EML6: variants seen among roughly 807,000 people sequenced by gnomAD.
EML6 encodes EMAP like 6, also known as echinoderm microtubule-associated protein-like 6.
In EML6, 154 loss-of-function variants were observed where a neutral mutation model predicts 240.1. The ratio of observed to expected loss-of-function variants is 0.64; its 90% CI spans 0.56 to 0.73. The LOEUF is 0.73. Ranked by LOEUF, EML6 falls within the 30% of genes least tolerant of loss-of-function variation. EML6 has a pLI of 0.00. For missense variants in EML6, 2,964 were observed against 2,474.6 expected (o/e 1.20, Z -4.20); for synonymous variants, 1,148 against 899.0 (o/e 1.28, Z -4.95).
At chr2:54,809,091 G>A (rs1188511815) in intron 2 of EML6, among the ~76,000 whole-genome samples, 1 of 152,166 alleles carries the variant, frequency 6.6e-6, no homozygotes, top group Non-Finnish European at 1.5e-5. Flanking sequence ...ATGTAGGTGT[G>A]GAATGAGACT....
intron 26 of EML6, among the ~76,000 whole-genome samples, chr2:54,919,787 A>C (rs558087119): frequency 6.6e-6 from 1 of 152,152 alleles, no homozygotes; most frequent in Non-Finnish European, 1.5e-5. Context: ...TGGCTTATCT[A>C]TATATTAGTC....
chr2:54,891,413 C>T (rs1365473300), intron 18 of EML6, among the ~76,000 whole-genome samples: 2 of 152,170 alleles, frequency 1.3e-5, no homozygotes, highest in Non-Finnish European at 2.9e-5. Context: ...ATTTAGTCAT[C>T]TGTTCTGAAA....
intron 32 of EML6, among the ~76,000 whole-genome samples, chr2:54,957,509 CTCATA>C (rs938925073): frequency 1.3e-5 from 2 of 152,124 alleles, no homozygotes; most frequent in African/African-American, 2.4e-5. Flanking sequence ...TTGCTGCCTT[CTCATA>C]TCTGGAAGCT....
chr2:54,803,892 C>T (rs2103987650), intron 2 of EML6, among the ~76,000 whole-genome samples: 1 of 152,242 alleles, frequency 6.6e-6, no homozygotes, highest in Non-Finnish European at 1.5e-5. Flanking sequence ...GGACCGGGCA[C>T]CATCTGAGAT....
intron 2 of EML6, among the ~76,000 whole-genome samples, chr2:54,808,693 T>G (rs1206161027): frequency 7.2e-5 from 11 of 152,178 alleles, no homozygotes. Context: ...TCAAGAATGA[T>G]TAATATTGAT....
chr2:54,895,193 T>C, intron 20 of EML6, 80 bp from the exon 21 acceptor site: 1 of 1,475,304 alleles, frequency 6.8e-7, no homozygotes, highest in Non-Finnish European at 9.2e-7. Context: ...TACCTAGTTC[T>C]TTGGAGCTAT....
intron 2 of EML6, among the ~76,000 whole-genome samples, chr2:54,808,670 T>C (rs1025309249): frequency 2.6e-5 from 4 of 152,218 alleles, no homozygotes; most frequent in African/African-American, 4.8e-5. Flanking sequence ...ATAAAATTTT[T>C]TGCCTCAAGG....
Position 54,910,994 on chromosome 2 carries a change from T to G in EML6, c.3450T>G (p.Leu1150=), listed in dbSNP as rs1673610392. 2.4e-5 allele frequency: 37 copies of G among 1,541,152 alleles called. No homozygotes were observed. The highest frequency in any genetic ancestry group is 3.2e-5 in the Non-Finnish European group (36 of 1,139,478). ...LQVNSGAREQ[L]FFEAPRGKRH... Reference sequence around the variant, plus strand: ...TGAATTCAGGTGCCAGAGAACAACTTTTTTTTGAAGCTCCAAGAGGCAAAC... The same window carrying G: ...TGAATTCAGGTGCCAGAGAACAACTGTTTTTTGAAGCTCCAAGAGGCAAAC... Residue 1150 remains leucine (L), a synonymous_variant, in exon 25 of 42, where the codon CTT becomes CTG. Coordinates refer to ENST00000356458, the MANE Select transcript of EML6 (RefSeq NM_001039753.4).
At chr2:54,857,591 G>T (rs185929149) in intron 11 of EML6, among the ~76,000 whole-genome samples, 35 of 152,284 alleles carry the variant, frequency 2.3e-4, no homozygotes, top group Non-Finnish European at 2.9e-5. Flanking sequence ...GTGCTGTGAA[G>T]AAAAATAAAG....
At chr2:54,961,449 A>C (rs1278741536) in intron 35 of EML6, among the ~76,000 whole-genome samples, 1 of 151,548 alleles carries the variant, frequency 6.6e-6, no homozygotes, top group Non-Finnish European at 1.5e-5. Context: ...GGCCTCCCAA[A>C]GTGCTGGGAT....
chr2:54,833,012 G>A (rs1226731514), intron 7 of EML6, among the ~76,000 whole-genome samples: 2 of 152,182 alleles, frequency 1.3e-5, no homozygotes, highest in African/African-American at 4.8e-5. Flanking sequence ...TCATTTCAAT[G>A]GAAATGTAGC....
At position 54,957,824 on chromosome 2, in the gene EML6, G is replaced by A. The variant is rs1201063675; in HGVS notation, c.4521G>A (p.Glu1507=). Residue 1507 remains glutamate, a synonymous_variant, in exon 33 of 42, where the codon GAG becomes GAA. Coordinates refer to ENST00000356458, the MANE Select transcript of EML6 (RefSeq NM_001039753.4). Reference sequence around the variant, plus strand: ...TTGCCAGCCGAGGGGGTCACCTGGAGCGCATATTTGTGGTGGAATTTCGCC... The same window carrying A: ...TTGCCAGCCGAGGGGGTCACCTGGAACGCATATTTGTGGTGGAATTTCGCC... ...AKVASRGGHL[E]RIFVVEFRPD... 3 of 1,550,102 alleles carry A rather than the reference G, an allele frequency of 1.9e-6. No homozygotes were observed. The highest frequency in any genetic ancestry group is 2.6e-6 in the Non-Finnish European group (3 of 1,147,020).
At chr2:54,789,578 T>G (rs184735983) in intron 2 of EML6, among the ~76,000 whole-genome samples, 1 of 141,134 alleles carries the variant, frequency 7.1e-6, no homozygotes, top group Non-Finnish European at 1.5e-5. Context: ...AAAGTAGACA[T>G]GGGTGGGACG....
At chr2:54,792,949 CTTTTTCTTAAAGTTGGTTTAAAG>C (rs1669535530) in intron 2 of EML6, among the ~76,000 whole-genome samples, 2 of 152,064 alleles carry the variant, frequency 1.3e-5, no homozygotes, top group South Asian at 4.1e-4. Flanking sequence ...AGCATCTGAG[CTTTTTCTTAAAGTTGGTTTAAAG>C]TTTTTGATCT....
chr2:54,860,452 G>A (rs532249855), intron 12 of EML6, among the ~76,000 whole-genome samples: 42 of 152,242 alleles, frequency 2.8e-4, no homozygotes, highest in Non-Finnish European at 3.7e-4. Context: ...GCTACTTGGC[G>A]GCCTGGCTTC....
intron 38 of EML6, among the ~76,000 whole-genome samples, chr2:54,965,531 A>C (rs988776026): frequency 3.9e-5 from 6 of 152,318 alleles, no homozygotes; most frequent in African/African-American, 9.6e-5. Context: ...TTATTACTCA[A>C]ATTGGTCTCC....
intron 2 of EML6, among the ~76,000 whole-genome samples, chr2:54,780,543 A>C (rs1399258460): frequency 6.6e-6 from 1 of 152,224 alleles, no homozygotes; most frequent in Non-Finnish European, 1.5e-5. Context: ...TCTCCCCAGC[A>C]ATTAAGGGAA....
intron 30 of EML6, 59 bp downstream of exon 30, chr2:54,950,838 C>T: frequency 2.7e-6 from 4 of 1,505,962 alleles, no homozygotes; most frequent in East Asian, 4.9e-5. Context: ...ATGCTTTCCC[C>T]ACTCTTTAGA....
intron 35 of EML6, among the ~76,000 whole-genome samples, chr2:54,961,283 C>T (rs1442358222): frequency 3.4e-5 from 5 of 147,390 alleles, no homozygotes; most frequent in Admixed American, 1.4e-4. Flanking sequence ...CTCTTGGGTT[C>T]GAGCGATTCT....
Sources: allele counts gnomAD v4.1 joint callset (sites outside exome capture counted in the v4.1 genomes callset), GRCh38; gene constraint gnomAD v4.1.1; transcripts MANE v1.5; gene names NCBI Gene and HGNC (gene_info 2026-07-23, HGNC 2026-07-21).